Variants in CDC45 observed in about 807,000 individuals in gnomAD.
CDC45 encodes cell division cycle 45.
Under a neutral mutation model 77.8 loss-of-function variants are expected in CDC45, and 54 were observed. The observed-to-expected ratio is 0.69, with a 90% CI of 0.56 to 0.87. The LOEUF (loss-of-function observed/expected upper bound fraction) is 0.87, where lower values mean the gene tolerates loss of function less well. Ranked by LOEUF, CDC45 falls within the 40% of genes least tolerant of loss-of-function variation. The pLI, the probability that CDC45 is intolerant of heterozygous loss-of-function variation, is 0.00. For missense variants in CDC45, 649 were observed against 721.6 expected, an observed-to-expected ratio of 0.90 and a Z score of 1.15; for synonymous variants, 260 against 272.1, an observed-to-expected ratio of 0.96 and a Z score of 0.44.
chr22:19,507,489 C>T lies in CDC45; in HGVS notation c.928C>T (p.Arg310Trp), dbSNP rs144918738. ...FKLWSVHGQK[R>W]LQEFLADMGL... is the part of the protein sequence containing the mutation. Reference sequence around the variant, plus strand: ...GCTGTGGTCTGTGCATGGACAGAAGCGGCTCCAGGAGTTCCTTGCAGACAT... The same window carrying T: ...GCTGTGGTCTGTGCATGGACAGAAGTGGCTCCAGGAGTTCCTTGCAGACAT... The change falls in exon 11 of 19, where the codon CGG (arginine) becomes TGG (tryptophan). Residue 310 changes from arginine to tryptophan, a missense_variant. By Grantham distance (101) the Arg-to-Trp change is moderately radical (BLOSUM62 -3). Coordinates refer to ENST00000263201, the MANE Select transcript of CDC45 (RefSeq NM_003504.5). The T allele has an allele frequency of 1.3e-4, 203 of 1,614,044 alleles. No homozygotes were observed. Among genetic ancestry groups the T allele is most frequent in the Non-Finnish European group, 1.6e-4 (192 of 1,180,042 alleles).
chr22:19,493,740 C>T (rs2090193693), intron 5 of CDC45, among the ~76,000 whole-genome samples: 1 of 152,174 alleles, frequency 6.6e-6, no homozygotes, highest in Non-Finnish European at 1.5e-5. Flanking sequence ...TGCGCCCAGC[C>T]TTACTTTGTT....
chr22:19,517,566 A>G (rs1477819692), intron 17 of CDC45, among the ~76,000 whole-genome samples: 1 of 152,252 alleles, frequency 6.6e-6, no homozygotes, highest in Non-Finnish European at 1.5e-5. Context: ...TGCCACAGAC[A>G]GGGTGGCTTC....
At chr22:19,499,067 T>C in intron 8 of CDC45, 34 bp from the exon 9 acceptor site, 1 of 1,611,684 alleles carries the variant, frequency 6.2e-7, no homozygotes, top group Middle Eastern at 1.7e-4. Context: ...CCAGGTGGGC[T>C]ATAGGCCGGC....
chr22:19,517,540 A>C (rs566125060), intron 17 of CDC45, among the ~76,000 whole-genome samples: 4 of 152,232 alleles, frequency 2.6e-5, no homozygotes, highest in Non-Finnish European at 5.9e-5. Context: ...AGTTTGCTAA[A>C]GCTGCCATAA....
intron 9 of CDC45, among the ~76,000 whole-genome samples, chr22:19,502,953 T>C (rs1042510458): frequency 4.0e-5 from 6 of 151,640 alleles, no homozygotes; most frequent in Non-Finnish European, 8.8e-5. Context: ...TTGTCGGGGG[T>C]GGGAGGATTG....
chr22:19,495,454 C>G (rs976418260), intron 6 of CDC45, among the ~76,000 whole-genome samples: 1 of 152,224 alleles, frequency 6.6e-6, no homozygotes, highest in African/African-American at 2.4e-5. Flanking sequence ...AACTATACCA[C>G]TTTACATCAT....
intron 9 of CDC45, among the ~76,000 whole-genome samples, chr22:19,499,862 C>T (rs767522850): frequency 1.3e-5 from 2 of 152,200 alleles, no homozygotes; most frequent in Non-Finnish European, 2.9e-5. Flanking sequence ...TAGATGTCCC[C>T]AGGCTGTCAC....
Position 19,483,861 on chromosome 22 carries a change from G to A in CDC45, c.343-1G>A. 1 of 1,611,644 alleles carries A rather than the reference G, an allele frequency of 6.2e-7. No homozygotes were observed. The highest frequency in any genetic ancestry group is 8.5e-7 in the Non-Finnish European group (1 of 1,179,230). On this transcript the variant is annotated splice_acceptor_variant, in intron 4 of 18. Coordinates refer to ENST00000263201, the MANE Select transcript of CDC45 (RefSeq NM_003504.5). LOFTEE classifies it high-confidence loss of function. ...TTAATTCCTTTTTGTTTTGAACTTA[G>A]ATCAAATTACTCATTAAACAAGATG...
At chr22:19,507,263 C>G (rs1445063491) in intron 10 of CDC45, 123 bp from the exon 11 acceptor site, 1 of 1,197,640 alleles carries the variant, frequency 8.3e-7, no homozygotes, top group Non-Finnish European at 1.2e-6. Context: ...TCTTGGGATA[C>G]CTGGTTTTGC....
intron 5 of CDC45, among the ~76,000 whole-genome samples, chr22:19,486,795 G>A (rs1289169154): frequency 6.6e-6 from 1 of 152,108 alleles, no homozygotes; most frequent in East Asian, 1.9e-4. Flanking sequence ...TCCTGCCTCA[G>A]ACTCCCAAGT....
In CDC45 at chr22:19,480,030, G is replaced by T. The variant is rs930874171; in HGVS notation, c.51+11G>T. ...GTGGTCCAGAGCCAGGTGACGCCCAGTCCGGGACCCCCGCCGAGGCCTTGC... is the reference window on the plus strand; with the variant it reads ...GTGGTCCAGAGCCAGGTGACGCCCATTCCGGGACCCCCGCCGAGGCCTTGC... On this transcript the variant is annotated intron_variant, in intron 1 of 18. Transcript: ENST00000263201. 3 of 1,614,026 alleles carry T rather than the reference G, an allele frequency of 1.9e-6. No homozygotes were observed. Among genetic ancestry groups the T allele is most frequent in the African/African-American group, 2.7e-5 (2 of 75,050 alleles).
chr22:19,503,885 C>T (rs932728156), intron 9 of CDC45, among the ~76,000 whole-genome samples: 15 of 152,238 alleles, frequency 9.9e-5, no homozygotes, highest in African/African-American at 3.1e-4. Context: ...GAAAACTTAC[C>T]TAAGATGCCT....
Position 19,508,521 on chromosome 22 carries a change from C to T in CDC45, c.1056-9C>T. ...TTGAGGGTGACAGCTGTGTTTGCTC[C>T]CATGACAGGATGAAGGACATGCGCG... On this transcript the variant is annotated splice_polypyrimidine_tract_variant and intron_variant, in intron 12 of 18. Transcript: ENST00000263201. 1 of 1,614,174 alleles carries T rather than the reference C, an allele frequency of 6.2e-7. No homozygotes were observed. Among genetic ancestry groups the T allele is most frequent in the Non-Finnish European group, 8.5e-7 (1 of 1,180,006 alleles).
At position 19,516,911 on chromosome 22, in the gene CDC45, C is replaced by G; in HGVS notation, c.1636+18C>G. 6.3e-7 allele frequency: 1 copy of G among 1,597,956 alleles called. No homozygotes were observed. The stretch of plus-strand genomic sequence containing the variant: ...CCTCTCAGGTGAGAGTCTCCTGCCA[C>G]TCTGCCACACTTTCCCACCTGACCC... On this transcript the variant is annotated intron_variant, in intron 17 of 18. Transcript: ENST00000263201.
At chr22:19,497,243 T>G (rs2090258524) in intron 7 of CDC45, 143 bp from the exon 8 acceptor site, 3 of 702,910 alleles carry the variant, frequency 4.3e-6, no homozygotes, top group Non-Finnish European at 5.1e-6. Flanking sequence ...CGGGCTGGAA[T>G]CCACCCACAT....
At chr22:19,482,669 C>T (rs758338798) in intron 3 of CDC45, 21 bp from the exon 4 acceptor site, 9 of 1,610,954 alleles carry the variant, frequency 5.6e-6, no homozygotes, top group Non-Finnish European at 7.6e-6. Flanking sequence ...AGCTACTTTA[C>T]AATATCTTCC....
intron 15 of CDC45, among the ~76,000 whole-genome samples, chr22:19,515,837 A>G (rs1053330386): frequency 3.3e-5 from 5 of 152,178 alleles, no homozygotes; most frequent in African/African-American, 1.2e-4. Context: ...GGGTGAACAC[A>G]TACCCACTTT....
chr22:19,486,168 T>G (rs2090063717), intron 5 of CDC45, among the ~76,000 whole-genome samples: 1 of 152,180 alleles, frequency 6.6e-6, no homozygotes, highest in African/African-American at 2.4e-5. Context: ...ATTACAGGCA[T>G]GCACTGCCAC....
intron 3 of CDC45, among the ~76,000 whole-genome samples, chr22:19,482,434 T>G (rs1217236607): frequency 6.6e-6 from 1 of 152,252 alleles, no homozygotes; most frequent in Non-Finnish European, 1.5e-5. Context: ...TTCTTGAGCC[T>G]GTCCACGAGA....
Sources: gnomAD v4.1 joint callset for allele counts (sites outside exome capture counted in the v4.1 genomes callset) on GRCh38, gnomAD v4.1.1 for gene constraint, MANE v1.5 for transcripts, NCBI Gene and HGNC (gene_info 2026-07-23, HGNC 2026-07-21) for gene names.